Variants in HACE1 observed in about 807,000 individuals in gnomAD.
HACE1 encodes the protein HECT domain and ankyrin repeat containing E3 ubiquitin protein ligase 1.
A neutral mutation model predicts 118.4 loss-of-function variants in HACE1; 73 were observed. The observed-to-expected ratio is 0.62, with a 90% confidence interval of 0.51 to 0.75. The LOEUF (loss-of-function observed/expected upper bound fraction) is 0.75. Ranked by LOEUF, HACE1 falls within the 30% of genes least tolerant of loss-of-function variation. HACE1 has a pLI of 0.00. For missense variants in HACE1, 749 were observed against 1,102.2 expected (o/e 0.68, Z 4.54); for synonymous variants, 368 against 374.8 (o/e 0.98, Z 0.21).
At chr6:104,735,245 CT>C (rs1488884713) in intron 22 of HACE1, among the ~76,000 whole-genome samples, 1 of 151,842 alleles carries the variant, frequency 6.6e-6, no homozygotes, top group Non-Finnish European at 1.5e-5. Context: ...ACACTTAAAA[CT>C]GAATTTTTAA....
intron 19 of HACE1, among the ~76,000 whole-genome samples, chr6:104,755,605 T>C (rs1292314192): frequency 5.9e-5 from 9 of 152,084 alleles, no homozygotes; most frequent in African/African-American, 2.2e-4. Context: ...ACAATCAAAT[T>C]AGAACTCAAG....
At chr6:104,858,275 ATAAG>A (rs1450875145) in intron 1 of HACE1, 1 of 176,656 alleles carries the variant, frequency 5.7e-6, no homozygotes, top group Non-Finnish European at 1.2e-5. Context: ...ACTACGAAAA[ATAAG>A]TAAGAGTAGC....
At chr6:104,766,894 G>C (rs758053144) in intron 19 of HACE1, 1 of 152,174 alleles carries the variant, frequency 6.6e-6, no homozygotes, top group African/African-American at 2.4e-5. Context: ...TGCACAAGCA[G>C]GCTTGAAATT....
chr6:104,788,326 C>A (rs1054259320), intron 11 of HACE1, among the ~76,000 whole-genome samples: 1 of 152,006 alleles, frequency 6.6e-6, no homozygotes, highest in African/African-American at 2.4e-5. Flanking sequence ...GTGATCCTTA[C>A]TGAAGAATTA....
intron 22 of HACE1, among the ~76,000 whole-genome samples, chr6:104,736,832 A>G (rs1775893832): frequency 6.6e-6 from 1 of 152,198 alleles, no homozygotes; most frequent in Admixed American, 6.5e-5. Context: ...CTAACTATAC[A>G]GTAAAAAGAC....
chr6:104,796,978 T>C lies in HACE1; in HGVS notation c.665A>G (p.Lys222Arg). The C allele has an allele frequency of 1.2e-6, 2 of 1,605,616 alleles. No individual in the cohort carries two copies. The highest frequency in any genetic ancestry group is 1.7e-6 in the Non-Finnish European group (2 of 1,172,394). The change falls in exon 8 of 24, where the codon AAA becomes AGA. Residue 222 changes from lysine to arginine, a missense_variant. Physicochemically the swap from Lys to Arg is conservative, Grantham distance 26. This residue lies in a region of HACE1 where 267 missense variants were observed against 312.2 expected (regional missense o/e 0.86). Coordinates refer to ENST00000262903, the MANE Select transcript of HACE1 (RefSeq NM_020771.4). ...TACTCCATTTTTATCTGGCAGATAT[T>C]TGGCTCCTCGTAATAGTAGGATCTG... ...TAQILLLRGA[K>R]YLPDKNGVTP...
intron 19 of HACE1, among the ~76,000 whole-genome samples, chr6:104,751,781 A>C (rs1159978890): frequency 6.6e-6 from 1 of 152,150 alleles, no homozygotes; most frequent in East Asian, 1.9e-4. Context: ...ATTAGTTATA[A>C]GTGAAACTTT....
intron 18 of HACE1, 105 bp downstream of exon 18, chr6:104,771,820 A>T (rs1780639593): frequency 2.4e-6 from 2 of 840,976 alleles, no homozygotes; most frequent in African/African-American, 1.7e-5. Context: ...CTCCAATCAA[A>T]ATAAAAATTA....
chr6:104,784,414 T>C lies in HACE1; in HGVS notation c.1478+3A>G. On this transcript the variant is annotated splice_donor_region_variant and intron_variant, in intron 13 of 23. Coordinates refer to ENST00000262903, the MANE Select transcript of HACE1 (RefSeq NM_020771.4). ...GGGTACTCCACAAACCCAGAAAGCT[T>C]ACCTATTAACAAAGCATTTTAAAAC... 1 of 1,598,508 alleles carries C rather than the reference T, an allele frequency of 6.3e-7. No homozygotes were observed. Among genetic ancestry groups the C allele is most frequent in the Non-Finnish European group, 8.6e-7 (1 of 1,165,922 alleles).
intron 11 of HACE1, among the ~76,000 whole-genome samples, chr6:104,789,151 TAC>T (rs1046541795): frequency 2.0e-5 from 3 of 152,158 alleles, no homozygotes; most frequent in Non-Finnish European, 4.4e-5. Context: ...GATGACAATG[TAC>T]AGTTTCTATT....
At position 104,859,565 on chromosome 6, in the gene HACE1, A is replaced by G; in HGVS notation, c.76+2T>C. 1 of 1,518,462 alleles carries G rather than the reference A, an allele frequency of 6.6e-7. No homozygotes were observed. Among genetic ancestry groups the G allele is most frequent in the Non-Finnish European group, 8.8e-7 (1 of 1,138,764 alleles). 94.1% of individuals were successfully genotyped at this position (1,518,462 alleles called of 1,614,324 possible). On this transcript the variant is annotated splice_donor_variant, in intron 1 of 23. Coordinates refer to ENST00000262903, the MANE Select transcript of HACE1 (RefSeq NM_020771.4). LOFTEE classifies it high-confidence loss of function. ...CCAGCCTGGCCCCGCGACCCGGCTC[A>G]CCCTCGGGCAACTCCACGGTGCGCG...
intron 19 of HACE1, among the ~76,000 whole-genome samples, chr6:104,769,590 C>T (rs1046138966): frequency 6.6e-6 from 1 of 151,756 alleles, no homozygotes; most frequent in Non-Finnish European, 1.5e-5. Flanking sequence ...AAGTGTTTAA[C>T]TATTATAATC....
At chr6:104,817,727 A>T (rs1381354087) in intron 6 of HACE1, among the ~76,000 whole-genome samples, 1 of 152,172 alleles carries the variant, frequency 6.6e-6, no homozygotes, top group Non-Finnish European at 1.5e-5. Flanking sequence ...GAGCAAACCC[A>T]ATTATTAACT....
intron 7 of HACE1, among the ~76,000 whole-genome samples, chr6:104,809,902 A>T (rs1468895282): frequency 6.6e-6 from 1 of 152,050 alleles, no homozygotes; most frequent in African/African-American, 2.4e-5. Flanking sequence ...AAATAACCTA[A>T]TTATTTCTAA....
chr6:104,858,619 C>T (rs1776987797), intron 1 of HACE1: 1 of 225,272 alleles, frequency 4.4e-6, no homozygotes, highest in Non-Finnish European at 9.2e-6. Flanking sequence ...CCTTCCCTAT[C>T]CTACAAACCA....
intron 6 of HACE1, among the ~76,000 whole-genome samples, chr6:104,811,971 T>C (rs544357599): frequency 7.9e-5 from 12 of 152,098 alleles, no homozygotes; most frequent in Admixed American, 3.9e-4. Flanking sequence ...ACAGGCTCAA[T>C]TTCACTGATT....
intron 6 of HACE1, among the ~76,000 whole-genome samples, chr6:104,817,167 G>T (rs922205748): frequency 2.0e-5 from 3 of 152,174 alleles, no homozygotes; most frequent in African/African-American, 4.8e-5. Context: ...GTTGAGAAGG[G>T]ATAATTGTAT....
chr6:104,821,480 C>G (rs1772708689), intron 6 of HACE1, among the ~76,000 whole-genome samples: 1 of 152,010 alleles, frequency 6.6e-6, no homozygotes, highest in African/African-American at 2.4e-5. Flanking sequence ...GAAATTTTAA[C>G]AAAATATACT....
At chr6:104,752,412 C>G (rs1427704709) in intron 19 of HACE1, among the ~76,000 whole-genome samples, 1 of 152,110 alleles carries the variant, frequency 6.6e-6, no homozygotes, top group African/African-American at 2.4e-5. Context: ...TATGTCTACT[C>G]TCACTAAAAT....
Sources: gnomAD v4.1 joint callset for allele counts (sites outside exome capture counted in the v4.1 genomes callset) on GRCh38, gnomAD v4.1.1 for gene constraint, gnomAD v4.1.1 regional missense constraint, MANE v1.5 for transcripts, NCBI Gene and HGNC (gene_info 2026-07-23, HGNC 2026-07-21) for gene names.